TAMALIN: variants seen among roughly 807,000 people sequenced by gnomAD.
The protein encoded by TAMALIN is protein TAMALIN.
TAMALIN carries 9 observed loss-of-function variants against 38.5 expected under a neutral mutation model. The observed-to-expected ratio is 0.23, with a 90% CI of 0.14 to 0.41. The LOEUF is 0.41. TAMALIN is among the 10% of genes least tolerant of loss of function. The pLI, the probability that TAMALIN is intolerant of heterozygous loss-of-function variation, is 1.00. For synonymous variants in TAMALIN, 306 were observed against 256.5 expected (o/e 1.19, Z -1.85); for missense variants, 548 against 554.1 (o/e 0.99, Z 0.11).
rs1592275098 is a variant in TAMALIN at position 52,015,300 on chromosome 12, C to T, written c.*101C>T. ...AGAGGACCCCAGGAGCCCAGAGCAG[C>T]GGGAGAGGGTCCTTCCTAGCCTCGG... On this transcript the variant is annotated 3_prime_UTR_variant, in exon 8 of 8. Coordinates refer to ENST00000293662, the MANE Select transcript of TAMALIN (RefSeq NM_181711.4). 9 of 1,342,846 alleles carry T rather than the reference C, an allele frequency of 6.7e-6. No homozygotes were observed. The highest frequency in any genetic ancestry group is 5.9e-5 in the South Asian group (4 of 67,668). 83.2% of individuals were successfully genotyped at this position (1,342,846 alleles called of 1,614,324 possible).
chr12:52,014,849 G>A lies in TAMALIN; in HGVS notation c.838G>A (p.Ala280Thr), dbSNP rs986987979. Residue 280 changes from alanine (A) to threonine (T), a missense_variant, in exon 8 of 8, where the codon GCC becomes ACC. By Grantham distance (58) the Ala-to-Thr change is moderately conservative. Around this residue, in one of 3 missense-constraint regions of TAMALIN, gnomAD observed 415 missense variants for 417.0 expected, o/e 1.00. Transcript: ENST00000293662. ...RGGARRARGD[A>T]DDAVYHTCFF... ...AGGCGCCCGACGGGCCAGGGGCGACGCCGACGACGCCGTCTACCACACGTG... is the reference window on the plus strand; with the variant it reads ...AGGCGCCCGACGGGCCAGGGGCGACACCGACGACGCCGTCTACCACACGTG... The A allele has an allele frequency of 1.4e-5, 17 of 1,258,618 alleles. No homozygotes were observed. The highest frequency in any genetic ancestry group is 1.5e-5 in the Non-Finnish European group (15 of 999,344). 78.0% of individuals were successfully genotyped at this position (1,258,618 alleles called of 1,614,324 possible).
At chr12:52,012,573 C>A (rs575121023) in intron 4 of TAMALIN, among the ~76,000 whole-genome samples, 2 of 152,294 alleles carry the variant, frequency 1.3e-5, no homozygotes, top group East Asian at 3.9e-4. Flanking sequence ...TCTTAAAGGT[C>A]CTACCATCTC....
Position 52,007,175 on chromosome 12 carries a change from G to T in TAMALIN, c.156G>T (p.Ala52=). ...PAAAATPGPP[A]DELYAALEDY... ...CAGCCGCCACCCCTGGGCCCCCAGC[G>T]GACGAGCTGTACGCGGCGCTGGAGG... Residue 52 remains alanine (A), a synonymous_variant, in exon 1 of 8, where the codon GCG becomes GCT. Coordinates refer to ENST00000293662, the MANE Select transcript of TAMALIN (RefSeq NM_181711.4). The surrounding 1 kb of genome is among the most constrained non-coding windows in gnomAD (Gnocchi z 6.7). 6.6e-7 allele frequency: 1 copy of T among 1,506,192 alleles called. No homozygotes were observed. The highest frequency in any genetic ancestry group is 8.8e-7 in the Non-Finnish European group (1 of 1,137,742). 93.3% of individuals were successfully genotyped at this position (1,506,192 alleles called of 1,614,324 possible). A position where few individuals can be genotyped will look rare whatever the true frequency, so the allele number is the denominator to read the frequency against.
chr12:52,011,382 G>C lies in TAMALIN; in HGVS notation c.454+241G>C. The C allele has an allele frequency of 1.6e-6, 1 of 637,136 alleles. No homozygotes were observed. The highest frequency in any genetic ancestry group is 2.7e-5 in the East Asian group (1 of 36,434). 39.5% of individuals were successfully genotyped at this position (637,136 alleles called of 1,614,324 possible). On this transcript the variant is annotated intron_variant, in intron 4 of 7. Coordinates refer to ENST00000293662, the MANE Select transcript of TAMALIN (RefSeq NM_181711.4). The surrounding 1 kb of genome is among the most constrained non-coding windows in gnomAD (Gnocchi z 5.3). The stretch of plus-strand genomic sequence containing the variant: ...ATAATGCATCCAAACATCACAGTGC[G>C]GCAAGGGGATTCCCTGGGCACACTG...
At chr12:52,009,296 G>T (rs1241402779) in intron 2 of TAMALIN, 57 bp downstream of exon 2, 3 of 1,535,658 alleles carry the variant, frequency 2.0e-6, no homozygotes, top group Non-Finnish European at 2.7e-6. Flanking sequence ...TGCTGGGTTG[G>T]GGGGTGCCAG....
chr12:52,013,949 G>C lies in TAMALIN; in HGVS notation c.615+6G>C, dbSNP rs575857790. The C allele has an allele frequency of 6.8e-6, 11 of 1,613,874 alleles. No individual in the cohort carries two copies. The Admixed American group carries it at 1.8e-4, about 27-fold the overall frequency. ...CTCGTCTGCAGTACCTGAAGGTAGGGGAACCTAGATAACGTCCAGCCTCCA... is the reference window on the plus strand; with the variant it reads ...CTCGTCTGCAGTACCTGAAGGTAGGCGAACCTAGATAACGTCCAGCCTCCA... On this transcript the variant is annotated splice_donor_region_variant and intron_variant, in intron 6 of 7. Coordinates refer to ENST00000293662, the MANE Select transcript of TAMALIN (RefSeq NM_181711.4).
At chr12:52,012,263 C>CT (rs1464485568) in intron 4 of TAMALIN, among the ~76,000 whole-genome samples, 2 of 152,156 alleles carry the variant, frequency 1.3e-5, no homozygotes, top group African/African-American at 2.4e-5. Context: ...CCAAATGCCA[C>CT]TTTTTTTGAG....
Position 52,014,848 on chromosome 12 carries a change from C to T in TAMALIN, c.837C>T (p.Asp279=). 6 of 1,258,078 alleles carry T rather than the reference C, an allele frequency of 4.8e-6. No individual in the cohort carries two copies. Among genetic ancestry groups the T allele is most frequent in the Non-Finnish European group, 5.0e-6 (5 of 999,040 alleles). The allele number at this position is 1,258,078 out of a possible 1,614,324, so 77.9% of individuals were successfully genotyped here. A position where few individuals can be genotyped will look rare whatever the true frequency, so the allele number is the denominator to read the frequency against. ...PRGGARRARG[D]ADDAVYHTCF... ...GAGGCGCCCGACGGGCCAGGGGCGA[C>T]GCCGACGACGCCGTCTACCACACGT... Residue 279 remains aspartate, a synonymous_variant, in exon 8 of 8, where the codon GAC becomes GAT. Transcript: ENST00000293662.
intron 2 of TAMALIN, among the ~76,000 whole-genome samples, chr12:52,010,218 A>T (rs759539651): frequency 6.4e-4 from 97 of 152,142 alleles, no homozygotes; most frequent in Non-Finnish European, 1.3e-3. Flanking sequence ...GAGCTACTTG[A>T]AGGGGCCTTT....
chr12:52,009,254 C>T lies in TAMALIN; in HGVS notation c.296+15C>T, dbSNP rs770622312. On this transcript the variant is annotated intron_variant, in intron 2 of 7. Transcript: ENST00000293662. ...GAACAGCAGCGGTGAGTCACCAACA[C>T]CCAGCCCCTGCCATGGTCCAAAGGG... 2 of 1,613,384 alleles carry T rather than the reference C, an allele frequency of 1.2e-6. No individual in the cohort carries two copies. Among genetic ancestry groups the T allele is most frequent in the South Asian group, 1.1e-5 (1 of 91,080 alleles).
chr12:52,013,073 TTC>T (rs1937692534), intron 4 of TAMALIN, among the ~76,000 whole-genome samples: 5 of 141,908 alleles, frequency 3.5e-5, no homozygotes, highest in Non-Finnish European at 7.8e-5. Context: ...GGGACAGAAC[TTC>T]TTTTTTTTTT....
intron 1 of TAMALIN, chr12:52,008,520 A>G (rs1419556482): frequency 2.0e-6 from 2 of 985,194 alleles, no homozygotes; most frequent in African/African-American, 3.5e-5. Flanking sequence ...ATATATGGCA[A>G]TGGAGAGAGA....
chr12:52,013,954 C>G lies in TAMALIN; in HGVS notation c.615+11C>G, dbSNP rs1396096786. The G allele has an allele frequency of 1.2e-6, 2 of 1,613,558 alleles. No homozygotes were observed. Among genetic ancestry groups the G allele is most frequent in the African/African-American group, 2.7e-5 (2 of 74,910 alleles). On this transcript the variant is annotated intron_variant, in intron 6 of 7. Coordinates refer to ENST00000293662, the MANE Select transcript of TAMALIN (RefSeq NM_181711.4). The stretch of plus-strand genomic sequence containing the variant: ...CTGCAGTACCTGAAGGTAGGGGAAC[C>G]TAGATAACGTCCAGCCTCCACCCTC...
rs765807414 is a variant in TAMALIN at position 52,015,100 on chromosome 12, C to A, written c.1089C>A (p.Pro363=). 1 of 1,564,772 alleles carries A rather than the reference C, an allele frequency of 6.4e-7. No homozygotes were observed. Among genetic ancestry groups the A allele is most frequent in the African/African-American group, 1.4e-5 (1 of 73,984 alleles). ...CTCGCGAGCAGGCCCTATGCGGCCC[C>A]GGCCTGCGCAAAACCAAGTACCGCA... ...TEAREQALCG[P]GLRKTKYRSF... Residue 363 remains proline, a synonymous_variant, in exon 8 of 8, where the codon CCC becomes CCA. Transcript: ENST00000293662.
rs755451643 is a variant in TAMALIN at position 52,014,682 on chromosome 12, G to A, written c.683-12G>A. 91 of 1,475,938 alleles carry A rather than the reference G, an allele frequency of 6.2e-5. No individual in the cohort carries two copies. Among genetic ancestry groups the A allele is most frequent in the Middle Eastern group, 2.5e-4 (1 of 3,978 alleles). The allele number at this position is 1,475,938 out of a possible 1,614,324, so 91.4% of individuals were successfully genotyped here. On this transcript the variant is annotated splice_polypyrimidine_tract_variant and intron_variant, in intron 7 of 7. Coordinates refer to ENST00000293662, the MANE Select transcript of TAMALIN (RefSeq NM_181711.4). ...GCCTGACCCGCCCCCTACCTCTCCCGTCTCTGCGCAGGCCTGGTGGTGAAG... is the reference window on the plus strand; with the variant it reads ...GCCTGACCCGCCCCCTACCTCTCCCATCTCTGCGCAGGCCTGGTGGTGAAG...
chr12:52,010,696 C>T (rs573200469), intron 2 of TAMALIN, 185 bp from the exon 3 acceptor site: 5 of 907,634 alleles, frequency 5.5e-6, no homozygotes, highest in Non-Finnish European at 8.2e-6. Flanking sequence ...TCTGTGGCTC[C>T]ATGAGGCTGA....
At position 52,006,992 on chromosome 12, in the gene TAMALIN, T is replaced by A; in HGVS notation, c.-28T>A. 7.5e-7 allele frequency: 1 copy of A among 1,341,882 alleles called. No homozygotes were observed. Among genetic ancestry groups the A allele is most frequent in the Non-Finnish European group, 9.5e-7 (1 of 1,052,090 alleles). The allele number at this position is 1,341,882 out of a possible 1,614,324, so 83.1% of individuals were successfully genotyped here. On this transcript the variant is annotated 5_prime_UTR_variant, in exon 1 of 8. Transcript: ENST00000293662. ...GCCCCGCCGAGGGGAGCCAGCGCCG[T>A]CTCTGAGGGGCGTCCGGCGCCGGAG... is the stretch of plus-strand genomic sequence containing the variant.
rs1384598510 is a variant in TAMALIN, at chr12:52,007,480, C to T, written c.246+215C>T. On this transcript the variant is annotated intron_variant, in intron 1 of 7. Transcript: ENST00000293662. The surrounding 1 kb of genome is among the most constrained non-coding windows in gnomAD (Gnocchi z 6.7). The stretch of plus-strand genomic sequence containing the variant: ...CCAGGCTCGGTGGCTCTTAACTCCG[C>T]GCCCCATGCACGCCCCCTCTCTCCC... 1.0e-6 allele frequency: 1 copy of T among 984,668 alleles called. No individual in the cohort carries two copies. Among genetic ancestry groups the T allele is most frequent in the African/African-American group, 1.7e-5 (1 of 57,170 alleles). The allele number at this position is 984,668 out of a possible 1,614,324, so 61.0% of individuals were successfully genotyped here. A position where few individuals can be genotyped will look rare whatever the true frequency, so the allele number is the denominator to read the frequency against.
Position 52,007,541 on chromosome 12 carries a change from C to T in TAMALIN, c.246+276C>T, listed in dbSNP as rs7964205. On this transcript the variant is annotated intron_variant, in intron 1 of 7. Coordinates refer to ENST00000293662, the MANE Select transcript of TAMALIN (RefSeq NM_181711.4). This position sits in a 1 kb window ranked among gnomAD's most constrained non-coding sequence, Gnocchi z 6.7. Reference sequence around the variant, plus strand: ...CTCCCAGCACCCCCCTTCTCCTACCCGCTCCATCTGGCTTTCTGCCCCCCA... The same window carrying T: ...CTCCCAGCACCCCCCTTCTCCTACCTGCTCCATCTGGCTTTCTGCCCCCCA... 1 of 984,228 alleles carries T rather than the reference C, an allele frequency of 1.0e-6. No individual in the cohort carries two copies. The highest frequency in any genetic ancestry group is 1.7e-5 in the African/African-American group (1 of 57,234). The allele number at this position is 984,228 out of a possible 1,614,324, so 61.0% of individuals were successfully genotyped here.
Sources: allele counts gnomAD v4.1 joint callset (sites outside exome capture counted in the v4.1 genomes callset), GRCh38; gene constraint gnomAD v4.1.1; regional missense constraint gnomAD v4.1.1; non-coding constraint Gnocchi (gnomAD v3.1); transcripts MANE v1.5; gene names NCBI Gene and HGNC (gene_info 2026-07-23, HGNC 2026-07-21).